Variants in PRDM5 observed in about 807,000 individuals in gnomAD.
The protein encoded by PRDM5 is PR/SET domain 5.
A neutral mutation model predicts 81.2 loss-of-function variants in PRDM5; 56 were observed. The observed-to-expected ratio is 0.69, with a 90% CI of 0.56 to 0.86. PRDM5 has a LOEUF of 0.86. Ranked by LOEUF, PRDM5 falls within the 40% of genes least tolerant of loss-of-function variation. The probability of loss-of-function intolerance (pLI) is 0.00; values close to 1 mark genes in which losing one functional copy is unlikely to be tolerated. For synonymous variants in PRDM5, 267 were observed against 256.4 expected (o/e 1.04, Z -0.39); for missense variants, 697 against 770.1 (o/e 0.91, Z 1.12).
chr4:120,744,166 G>A (rs1239302937), intron 14 of PRDM5, among the ~76,000 whole-genome samples: 1 of 151,966 alleles, frequency 6.6e-6, no homozygotes, highest in East Asian at 1.9e-4. Context: ...TGAACAACGT[G>A]CTCCTGAATG....
chr4:120,829,450 A>G (rs1756445946), intron 3 of PRDM5, among the ~76,000 whole-genome samples: 1 of 152,122 alleles, frequency 6.6e-6, no homozygotes, highest in South Asian at 2.1e-4. Context: ...CTCAAGTGCC[A>G]TGCCTCACTA....
At chr4:120,831,119 T>C (rs1218720230) in intron 3 of PRDM5, among the ~76,000 whole-genome samples, 1 of 152,070 alleles carries the variant, frequency 6.6e-6, no homozygotes, top group African/African-American at 2.4e-5. Context: ...TTATCAATAT[T>C]GACAAACCAT....
chr4:120,856,664 C>G (rs983836218), intron 2 of PRDM5, among the ~76,000 whole-genome samples: 36 of 152,278 alleles, frequency 2.4e-4, no homozygotes, highest in African/African-American at 7.7e-4. Flanking sequence ...GACACCAAAT[C>G]AAAACAACTC....
chr4:120,820,591 T>C (rs9998810), intron 4 of PRDM5, among the ~76,000 whole-genome samples: 7,949 of 152,280 alleles, frequency 0.052, 327 homozygotes, highest in African/African-American at 0.12. Context: ...TGACCTACGG[T>C]CACTGAAAGT....
intron 3 of PRDM5, among the ~76,000 whole-genome samples, chr4:120,831,172 G>A (rs1050672972): frequency 1.3e-5 from 2 of 152,010 alleles, no homozygotes; most frequent in Non-Finnish European, 2.9e-5. Context: ...GAGGGCAGCC[G>A]TTTTATAAAC....
intron 15 of PRDM5, 87 bp downstream of exon 15, chr4:120,710,220 GAC>G (rs1553945560): frequency 0.018 from 15,391 of 854,124 alleles, 1 homozygote; most frequent in East Asian, 0.025. Flanking sequence ...CACACACACA[GAC>G]ACACACACAC....
intron 8 of PRDM5, chr4:120,810,406 A>C (rs1422437871): frequency 3.3e-5 from 5 of 152,110 alleles, no homozygotes; most frequent in Non-Finnish European, 5.9e-5. Context: ...AGGAAAAAAG[A>C]CCTATAAAAG....
In PRDM5 at chr4:120,854,629, T is replaced by C. The variant is rs116287463; in HGVS notation, c.178-1089A>G. Among the ~76,000 whole-genome samples, 1,296 of 152,134 alleles carry C rather than the reference T, an allele frequency of 8.5e-3. 21 individuals carry two copies. Among genetic ancestry groups the C allele is most frequent in the African/African-American group, 0.03 (1,238 of 41,516 alleles). ...GCTGAAGGCATCAAGAATCTTTCAG[T>C]GAACAAGACAAAGCCCCAGAGCACA... is the stretch of plus-strand genomic sequence containing the variant. On this transcript the variant is annotated intron_variant, in intron 2 of 15. Coordinates refer to ENST00000264808, the MANE Select transcript of PRDM5 (RefSeq NM_018699.4).
intron 1 of PRDM5, among the ~76,000 whole-genome samples, chr4:120,911,043 T>C (rs999701495): frequency 1.3e-5 from 2 of 152,154 alleles, no homozygotes; most frequent in Non-Finnish European, 2.9e-5. Context: ...TTCACTTCTA[T>C]CTCAAGAGTC....
Position 120,815,457 on chromosome 4 carries a change from C to T in PRDM5, c.865+996G>A, listed in dbSNP as rs561901449. 2.4e-4 allele frequency among the ~76,000 whole-genome samples: 36 copies of T among 152,354 alleles called. No homozygotes were observed. In the South Asian group the frequency reaches 7.3e-3, roughly 31 times the overall value. On this transcript the variant is annotated intron_variant, in intron 7 of 15. Coordinates refer to ENST00000264808, the MANE Select transcript of PRDM5 (RefSeq NM_018699.4). ...GGTTGCACTTAATATGCAGCCCAAA[C>T]CAATGATGCAAAGTCGCAGCTAGCA...
intron 15 of PRDM5, among the ~76,000 whole-genome samples, chr4:120,700,794 C>T (rs1735223597): frequency 1.3e-5 from 2 of 152,114 alleles, no homozygotes; most frequent in African/African-American, 4.8e-5. Context: ...ATCAAAACCA[C>T]AATGCGATAT....
chr4:120,731,304 C>T (rs1020820537), intron 14 of PRDM5, among the ~76,000 whole-genome samples: 5 of 151,136 alleles, frequency 3.3e-5, no homozygotes, highest in Admixed American at 6.6e-5. Flanking sequence ...GTCCCTCACC[C>T]GGCTATGAGA....
At chr4:120,865,056 A>G (rs1761049328) in intron 2 of PRDM5, among the ~76,000 whole-genome samples, 1 of 152,238 alleles carries the variant, frequency 6.6e-6, no homozygotes, top group Non-Finnish European at 1.5e-5. Context: ...ATATTGCAGC[A>G]GAAGACATTT....
intron 12 of PRDM5, among the ~76,000 whole-genome samples, chr4:120,780,517 A>G (rs1748885192): frequency 6.6e-6 from 1 of 152,194 alleles, no homozygotes; most frequent in Non-Finnish European, 1.5e-5. Flanking sequence ...TATTTAAAAT[A>G]TATACTTTAA....
chr4:120,890,822 T>C (rs953258772), intron 2 of PRDM5, among the ~76,000 whole-genome samples: 1 of 152,198 alleles, frequency 6.6e-6, no homozygotes. Context: ...TGGGGTTGTT[T>C]GGTTTTTGCT....
intron 3 of PRDM5, among the ~76,000 whole-genome samples, chr4:120,825,224 G>A (rs1475105019): frequency 6.6e-6 from 1 of 152,140 alleles, no homozygotes; most frequent in African/African-American, 2.4e-5. Context: ...GAAGATTAAA[G>A]ATGGTAATAT....
intron 2 of PRDM5, among the ~76,000 whole-genome samples, chr4:120,868,301 G>T (rs1236519844): frequency 1.3e-5 from 2 of 152,064 alleles, no homozygotes; most frequent in Non-Finnish European, 2.9e-5. Flanking sequence ...TTTTCTGCAG[G>T]GTTTGGGACA....
intron 2 of PRDM5, among the ~76,000 whole-genome samples, chr4:120,858,429 T>C (rs1375118195): frequency 6.6e-6 from 1 of 152,214 alleles, no homozygotes; most frequent in Non-Finnish European, 1.5e-5. Flanking sequence ...GGAGACACAC[T>C]TTCAGAAATC....
intron 14 of PRDM5, among the ~76,000 whole-genome samples, chr4:120,744,221 T>C (rs2149119203): frequency 6.6e-6 from 1 of 152,166 alleles, no homozygotes; most frequent in East Asian, 1.9e-4. Flanking sequence ...AAAGATGTTC[T>C]TTGAAACCAA....
Sources: allele counts gnomAD v4.1 joint callset (sites outside exome capture counted in the v4.1 genomes callset), GRCh38; gene constraint gnomAD v4.1.1; transcripts MANE v1.5; gene names NCBI Gene and HGNC (gene_info 2026-07-23, HGNC 2026-07-21).